MTMR1: variants seen among roughly 807,000 people sequenced by gnomAD.
MTMR1 encodes the protein myotubularin related protein 1, also known as phosphatidylinositol-3-phosphate phosphatase MTMR1.
A neutral mutation model predicts 51.6 loss-of-function variants in MTMR1; 17 were observed. That is an observed-to-expected ratio of 0.33 (90% confidence interval 0.23 to 0.49). MTMR1 has a LOEUF of 0.49. Among genes scored for constraint, MTMR1 ranks in the 20% least tolerant of loss-of-function variants. MTMR1 has a pLI of 0.99. For synonymous variants in MTMR1, 201 were observed against 205.6 expected (o/e 0.98, Z 0.19); for missense variants, 386 against 526.9 (o/e 0.73, Z 2.62).
In MTMR1 at chrX:150,755,678, T is replaced by C. The variant is rs1557417723; in HGVS notation, c.1681-11T>C. The C allele has an allele frequency of 2.6e-6, 3 of 1,147,794 alleles. No individual in the cohort carries two copies. The highest frequency in any genetic ancestry group is 3.5e-6 in the Non-Finnish European group (3 of 862,877). 94.6% of individuals were successfully genotyped at this position (1,147,794 alleles called of 1,213,427 possible). A position where few individuals can be genotyped will look rare whatever the true frequency, so the allele number is the denominator to read the frequency against. ...AAAAGTTTATTTCCAATGTTCTTTT[T>C]TGTTTTTCAGGATGTATATACAAAG... On this transcript the variant is annotated splice_polypyrimidine_tract_variant and intron_variant, in intron 14 of 15. Coordinates refer to ENST00000445323, the MANE Select transcript of MTMR1 (RefSeq NM_001306144.3).
At chrX:150,751,251 A>G in intron 14 of MTMR1, 1 of 773,271 alleles carries the variant, frequency 1.3e-6, no homozygotes, top group Non-Finnish European at 1.6e-6. Context: ...GTAGCAAGCT[A>G]ACACTTTTTT....
chrX:150,728,179 A>G (rs191279677), intron 6 of MTMR1, among the ~76,000 whole-genome samples: 7 of 112,446 alleles, frequency 6.2e-5, no homozygotes, highest in Admixed American at 2.8e-4. Context: ...TGTAAACACT[A>G]TGTAAATAGT....
chrX:150,731,313 G>A lies in MTMR1; in HGVS notation c.742-157G>A, dbSNP rs782601181. Reference sequence around the variant, plus strand: ...AAATGTCTAGGAAATGGGTTTTACCGAATAAATATATATATTGACTTTTAA... The same window carrying A: ...AAATGTCTAGGAAATGGGTTTTACCAAATAAATATATATATTGACTTTTAA... On this transcript the variant is annotated intron_variant, in intron 8 of 15. Coordinates refer to ENST00000445323, the MANE Select transcript of MTMR1 (RefSeq NM_001306144.3). 2.4e-4 allele frequency among the ~76,000 whole-genome samples: 27 copies of A among 111,947 alleles called. 1 individual carries two copies. Among genetic ancestry groups the A allele is most frequent in the Admixed American group, 3.8e-4 (4 of 10,552 alleles).
intron 15 of MTMR1, among the ~76,000 whole-genome samples, chrX:150,759,628 G>A (rs996149492): frequency 6.4e-5 from 7 of 109,572 alleles, no homozygotes; most frequent in Non-Finnish European, 9.7e-5. Flanking sequence ...ATTCTTGCCC[G>A]CCGCGTGAGG....
In MTMR1 at chrX:150,698,295, A is replaced by C. The variant is rs781940751; in HGVS notation, c.147-900A>C. On this transcript the variant is annotated intron_variant, in intron 1 of 15. Transcript: ENST00000445323. ...GGTGACAGAGCAAGACTCTGTCTCA[A>C]AAAAAAAAATAAATAAAAAATAAAA... Among the ~76,000 whole-genome samples the C allele has an allele frequency of 1.4e-3, 148 of 107,819 alleles. 1 individual carries two copies. Among genetic ancestry groups the C allele is most frequent in the African/African-American group, 4.7e-3 (139 of 29,703 alleles). 93.6% of individuals were successfully genotyped at this position (107,819 alleles called of 115,157 possible). A position where few individuals can be genotyped will look rare whatever the true frequency, so the allele number is the denominator to read the frequency against.
At chrX:150,713,468 A>G (rs2041381723) in intron 3 of MTMR1, among the ~76,000 whole-genome samples, 1 of 112,045 alleles carries the variant, frequency 8.9e-6, no homozygotes, top group Admixed American at 9.5e-5. Context: ...ATTGACAAAA[A>G]TGGAAGGTGG....
At chrX:150,700,705 G>A (rs1264606794) in intron 2 of MTMR1, among the ~76,000 whole-genome samples, 2 of 112,574 alleles carry the variant, frequency 1.8e-5, no homozygotes, top group African/African-American at 3.2e-5. Context: ...ACTGCCCGCT[G>A]AGTAGAGAGA....
chrX:150,705,188 A>G (rs1227387195), intron 2 of MTMR1, among the ~76,000 whole-genome samples: 2 of 112,323 alleles, frequency 1.8e-5, no homozygotes, highest in African/African-American at 6.5e-5. Flanking sequence ...ACCCAATTTG[A>G]ATAACAGAGA....
intron 15 of MTMR1, among the ~76,000 whole-genome samples, chrX:150,760,001 C>CG (rs1426618729): frequency 1.8e-5 from 2 of 109,617 alleles, no homozygotes; most frequent in African/African-American, 6.5e-5. Flanking sequence ...CTGAGCCTCA[C>CG]GGGGACCTCA....
chrX:150,705,205 A>T (rs1228622425), intron 2 of MTMR1, among the ~76,000 whole-genome samples: 1 of 112,251 alleles, frequency 8.9e-6, no homozygotes, highest in African/African-American at 3.2e-5. Flanking sequence ...GAGATAAATG[A>T]ACAGAGCCTC....
intron 4 of MTMR1, among the ~76,000 whole-genome samples, chrX:150,722,797 C>CT (rs1485599905): frequency 5.5e-5 from 6 of 109,989 alleles, no homozygotes; most frequent in African/African-American, 2.0e-4. Context: ...ATTCTTTGTT[C>CT]TTTTTTCCCT....
chrX:150,752,755 C>A (rs1034127801), intron 14 of MTMR1, among the ~76,000 whole-genome samples: 38 of 108,294 alleles, frequency 3.5e-4, no homozygotes, highest in Non-Finnish European at 6.7e-4. Context: ...ATGGTTCTAG[C>A]ATATTCACAT....
intron 14 of MTMR1, among the ~76,000 whole-genome samples, chrX:150,755,041 A>T (rs2042864288): frequency 9.2e-6 from 1 of 108,336 alleles, no homozygotes; most frequent in African/African-American, 3.4e-5. Context: ...AAAAAAAAAA[A>T]AAAGGAGTCA....
At chrX:150,709,613 A>G (rs1363842584) in intron 2 of MTMR1, among the ~76,000 whole-genome samples, 2 of 111,987 alleles carry the variant, frequency 1.8e-5, no homozygotes, top group African/African-American at 3.2e-5. Context: ...AACAGGAAGC[A>G]TGGTGCTGGG....
At chrX:150,727,394 C>G in intron 5 of MTMR1, 85 bp downstream of exon 5, 1 of 771,783 alleles carries the variant, frequency 1.3e-6, no homozygotes, top group East Asian at 3.4e-5. Flanking sequence ...CCCCTGAAAT[C>G]CCATTACCCT....
chrX:150,758,795 CA>C (rs1265592050), intron 15 of MTMR1, among the ~76,000 whole-genome samples: 1,255 of 65,615 alleles, frequency 0.019, 16 homozygotes, highest in African/African-American at 0.056. Context: ...GACTCCGTCT[CA>C]AAAAAAAAAA....
upstream of MTMR1, chrX:150,693,030 C>T (rs996155282): frequency 1.8e-5 from 2 of 111,556 alleles, no homozygotes; most frequent in Non-Finnish European, 3.8e-5. Flanking sequence ...ACCGAGGGAG[C>T]TTGAGCTGTT....
Position 150,732,609 on chromosome X carries a change from C to T in MTMR1, c.959C>T (p.Pro320Leu). Residue 320 changes from proline (P) to leucine (L), a missense_variant, in exon 10 of 16, where the codon CCC becomes CTC. Coordinates refer to ENST00000445323, the MANE Select transcript of MTMR1 (RefSeq NM_001306144.3). ...ITRCSQPLVG[P>L]NDKRCKEDEK... ...CGTTGCAGCCAGCCACTTGTGGGTC[C>T]CAATGATAAGCGCTGCAAAGAGGAT... The T allele has an allele frequency of 1.7e-6, 2 of 1,210,954 alleles. No homozygotes were observed. The highest frequency in any genetic ancestry group is 2.2e-6 in the Non-Finnish European group (2 of 895,046).
Position 150,757,920 on chromosome X carries a change from A to G in MTMR1, c.1857+2055A>G, listed in dbSNP as rs59962999. On this transcript the variant is annotated intron_variant, in intron 15 of 15. Transcript: ENST00000445323. Reference sequence around the variant, plus strand: ...GAGAGTGGAGGCGCTGCTAATAATCAGTCTGTAGAATTCCCCAAGACACTC... The same window carrying G: ...GAGAGTGGAGGCGCTGCTAATAATCGGTCTGTAGAATTCCCCAAGACACTC... Among the ~76,000 whole-genome samples the G allele has an allele frequency of 3.9e-3, 432 of 110,772 alleles. 2 individuals are homozygous for G. Among genetic ancestry groups the G allele is most frequent in the African/African-American group, 0.013 (392 of 30,450 alleles).
Sources: allele counts gnomAD v4.1 joint callset (sites outside exome capture counted in the v4.1 genomes callset), GRCh38; gene constraint gnomAD v4.1.1; transcripts MANE v1.5; gene names NCBI Gene and HGNC (gene_info 2026-07-23, HGNC 2026-07-21).